SSH2: variants seen among roughly 807,000 people sequenced by gnomAD.
SSH2 encodes the protein slingshot protein phosphatase 2.
A neutral mutation model predicts 135.2 loss-of-function variants in SSH2; 37 were observed. That is an observed-to-expected ratio of 0.27 (90% confidence interval 0.21 to 0.36). The LOEUF (loss-of-function observed/expected upper bound fraction) is 0.36, where lower values mean the gene tolerates loss of function less well. SSH2 is among the 10% of genes least tolerant of loss of function. SSH2 has a pLI of 1.00. For synonymous variants in SSH2, 628 were observed against 646.2 expected (o/e 0.97, Z 0.43); for missense variants, 1,408 against 1,765.3 (o/e 0.80, Z 3.63).
intron 1 of SSH2, among the ~76,000 whole-genome samples, chr17:29,919,442 A>T (rs1371193787): frequency 6.6e-6 from 1 of 152,160 alleles, no homozygotes; most frequent in Non-Finnish European, 1.5e-5. Flanking sequence ...TTACCTTGAG[A>T]GGAAAATGAG....
At chr17:29,876,144 T>G (rs1361954795) in intron 1 of SSH2, among the ~76,000 whole-genome samples, 2 of 150,786 alleles carry the variant, frequency 1.3e-5, no homozygotes, top group African/African-American at 4.9e-5. Context: ...ACCCTAAAAT[T>G]TATACAGAAC....
At chr17:29,897,756 C>T (rs1003051330) in intron 1 of SSH2, among the ~76,000 whole-genome samples, 2 of 152,152 alleles carry the variant, frequency 1.3e-5, no homozygotes, top group African/African-American at 2.4e-5. Flanking sequence ...AGGAATTGAA[C>T]TCAGCTCTGC....
intron 1 of SSH2, among the ~76,000 whole-genome samples, chr17:29,868,511 G>A (rs2065890678): frequency 6.6e-6 from 1 of 152,120 alleles, no homozygotes; most frequent in Non-Finnish European, 1.5e-5. Flanking sequence ...GCCGAGGCGG[G>A]CAGATTGCCT....
At chr17:29,838,408 T>C (rs1165182627) in intron 2 of SSH2, among the ~76,000 whole-genome samples, 1 of 152,168 alleles carries the variant, frequency 6.6e-6, no homozygotes, top group Non-Finnish European at 1.5e-5. Context: ...AGGCAGACAA[T>C]GGTCAGTCCC....
chr17:29,787,399 C>T (rs2041987456), intron 3 of SSH2: 1 of 152,114 alleles, frequency 6.6e-6, no homozygotes, highest in Admixed American at 6.6e-5. Flanking sequence ...GGGTTGCTTC[C>T]ATCTCTTGGC....
In SSH2 at chr17:29,743,450, A is replaced by C. The variant is rs183821573; in HGVS notation, c.189-40388T>G. On this transcript the variant is annotated intron_variant, in intron 3 of 15. Coordinates refer to ENST00000540801, the MANE Select transcript of SSH2 (RefSeq NM_001282129.2). ...GCATAACGAACTTTTTCATTATGACACTATCATTTTCTGACAAATGGGGCA... is the reference window on the plus strand; with the variant it reads ...GCATAACGAACTTTTTCATTATGACCCTATCATTTTCTGACAAATGGGGCA... Among the ~76,000 whole-genome samples the C allele has an allele frequency of 6.8e-3, 1,028 of 152,154 alleles. 6 individuals carry two copies. The highest frequency in any genetic ancestry group is 0.011 in the Non-Finnish European group (722 of 67,988).
Position 29,930,143 on chromosome 17 carries a change from C to CA in SSH2, c.-144dup. The CA allele has an allele frequency of 1.3e-6, 1 of 748,634 alleles. No individual in the cohort carries two copies. The highest frequency in any genetic ancestry group is 1.8e-5 in the South Asian group (1 of 56,676). The allele number at this position is 748,634 out of a possible 1,614,324, so 46.4% of individuals were successfully genotyped here. On this transcript the variant is annotated 5_prime_UTR_variant, in exon 1 of 16. Transcript: ENST00000540801. ...GAGGAGGAGGCCGCGGGAACGGCCG[C>CA]AGACTCCGCACCCACCACCAGACTG...
At chr17:29,928,805 C>A (rs899529543) in intron 1 of SSH2, among the ~76,000 whole-genome samples, 5 of 114,074 alleles carry the variant, frequency 4.4e-5, no homozygotes, top group African/African-American at 1.4e-4. Context: ...TTAAGGGTAA[C>A]CTGATGATTT....
At chr17:29,855,474 C>T (rs2045333245) in intron 1 of SSH2, among the ~76,000 whole-genome samples, 1 of 152,150 alleles carries the variant, frequency 6.6e-6, no homozygotes, top group South Asian at 2.1e-4. Context: ...CACTGCACTC[C>T]CGCCTGCACA....
chr17:29,872,253 T>A (rs925704395), intron 1 of SSH2, among the ~76,000 whole-genome samples: 1 of 152,232 alleles, frequency 6.6e-6, no homozygotes, highest in Non-Finnish European at 1.5e-5. Flanking sequence ...TGGTGACTAT[T>A]ATTAATATTA....
intron 15 of SSH2, among the ~76,000 whole-genome samples, chr17:29,634,868 G>T (rs368891976): frequency 6.6e-6 from 1 of 150,964 alleles, no homozygotes; most frequent in Admixed American, 6.6e-5. Flanking sequence ...TGATTCTTGA[G>T]TACCACAGCA....
intron 3 of SSH2, among the ~76,000 whole-genome samples, chr17:29,728,002 G>A (rs779572497): frequency 2.6e-5 from 4 of 152,122 alleles, no homozygotes; most frequent in African/African-American, 7.2e-5. Context: ...CCAACATGGC[G>A]AAACCCCTTC....
intron 2 of SSH2, among the ~76,000 whole-genome samples, chr17:29,806,943 C>G (rs1028539689): frequency 1.3e-5 from 2 of 152,180 alleles, no homozygotes; most frequent in South Asian, 4.1e-4. Context: ...CTCTGCTACA[C>G]GTGATTACCA....
chr17:29,819,869 T>C (rs2042622719), intron 2 of SSH2, among the ~76,000 whole-genome samples: 1 of 152,226 alleles, frequency 6.6e-6, no homozygotes, highest in Non-Finnish European at 1.5e-5. Flanking sequence ...CCTCAGCCTT[T>C]AGAACAACTG....
At chr17:29,709,015 T>TATATATAGAGAG (rs780981175) in intron 3 of SSH2, among the ~76,000 whole-genome samples, 1,936 of 81,522 alleles carry the variant, frequency 0.024, 57 homozygotes, top group Non-Finnish European at 0.035. Flanking sequence ...TATATATATA[T>TATATATAGAGAG]AGAGAGAGAG....
At chr17:29,893,296 A>AG (rs1491198701) in intron 1 of SSH2, among the ~76,000 whole-genome samples, 6 of 150,994 alleles carry the variant, frequency 4.0e-5, no homozygotes, top group Non-Finnish European at 7.4e-5. Context: ...GCAAAAAAAA[A>AG]GGGGGGGTGG....
At chr17:29,835,501 G>A (rs2042927684) in intron 2 of SSH2, among the ~76,000 whole-genome samples, 1 of 152,016 alleles carries the variant, frequency 6.6e-6, no homozygotes, top group South Asian at 2.1e-4. Flanking sequence ...CTGACACTTC[G>A]TAGTCAGGTT....
At chr17:29,641,840 T>G (rs546750115) in intron 14 of SSH2, 7 of 151,964 alleles carry the variant, frequency 4.6e-5, no homozygotes, top group Non-Finnish European at 8.8e-5. Flanking sequence ...ATGGAGTACT[T>G]GCGCCTGTAA....
At chr17:29,889,968 T>G (rs2066318639) in intron 1 of SSH2, among the ~76,000 whole-genome samples, 1 of 151,734 alleles carries the variant, frequency 6.6e-6, no homozygotes, top group Non-Finnish European at 1.5e-5. Flanking sequence ...TCTAAAAAAT[T>G]TTTTTAATTA....
Sources: gnomAD v4.1 joint callset for allele counts (sites outside exome capture counted in the v4.1 genomes callset) on GRCh38, gnomAD v4.1.1 for gene constraint, MANE v1.5 for transcripts, NCBI Gene and HGNC (gene_info 2026-07-23, HGNC 2026-07-21) for gene names.